The following PACRG variants were observed in gnomAD, a reference collection of about 807,000 sequenced individuals.
PACRG encodes the protein parkin coregulated gene protein.
In PACRG, 29 loss-of-function variants were observed where a neutral mutation model predicts 29.7. The ratio of observed to expected loss-of-function variants is 0.98; its 90% confidence interval spans 0.73 to 1.33. PACRG has a LOEUF of 1.33. Ranked by LOEUF, PACRG falls within the 40% of genes most tolerant of loss-of-function variation. The probability of loss-of-function intolerance (pLI) is 0.00; values close to 1 mark genes in which losing one functional copy is unlikely to be tolerated. For synonymous variants in PACRG, 116 were observed against 118.7 expected (o/e 0.98, Z 0.15); for missense variants, 279 against 316.2 (o/e 0.88, Z 0.89).
At chr6:163,148,592 G>A (rs186218442) in intron 4 of PACRG, among the ~76,000 whole-genome samples, 1 of 152,226 alleles carries the variant, frequency 6.6e-6, no homozygotes, top group African/African-American at 2.4e-5. Context: ...CTCAAGTAGT[G>A]GCATACCCAG....
intron 2 of PACRG, among the ~76,000 whole-genome samples, chr6:163,047,110 GT>G (rs1809479143): frequency 6.6e-6 from 1 of 152,174 alleles, no homozygotes; most frequent in African/African-American, 2.4e-5. Flanking sequence ...ATAGGGCCAT[GT>G]TTTACAATTA....
chr6:162,829,654 A>G (rs1788577034), intron 2 of PACRG, among the ~76,000 whole-genome samples: 1 of 152,156 alleles, frequency 6.6e-6, no homozygotes, highest in African/African-American at 2.4e-5. Flanking sequence ...CATATTACCT[A>G]GCAATGACAT....
chr6:162,819,358 A>G (rs200461146), intron 2 of PACRG, among the ~76,000 whole-genome samples: 1 of 152,306 alleles, frequency 6.6e-6, no homozygotes, highest in South Asian at 2.1e-4. Context: ...AAAATGACTT[A>G]TTAATCAGGT....
At position 162,854,778 on chromosome 6, in the gene PACRG, C is replaced by A. The variant is rs541302521; in HGVS notation, c.291+40497C>A. Among the ~76,000 whole-genome samples, 31 of 152,294 alleles carry A rather than the reference C, an allele frequency of 2.0e-4. 1 individual carries two copies. In the South Asian group the frequency reaches 5.2e-3, roughly 25 times the overall value. Reference sequence around the variant, plus strand: ...GAATTGTGTTTGATTCTGACTTCACCTAAATGAGCCTGATGACACGTGTGA... The same window carrying A: ...GAATTGTGTTTGATTCTGACTTCACATAAATGAGCCTGATGACACGTGTGA... On this transcript the variant is annotated intron_variant, in intron 2 of 4. Transcript: ENST00000366888.
intron 4 of PACRG, among the ~76,000 whole-genome samples, chr6:163,218,957 G>A (rs11961811): frequency 0.21 from 32,481 of 152,140 alleles, 3,532 homozygotes; most frequent in Middle Eastern, 0.29. Context: ...ATCCTCCAAC[G>A]CACAGGACAG....
At chr6:162,867,070 G>A (rs569859587) in intron 2 of PACRG, among the ~76,000 whole-genome samples, 5 of 152,202 alleles carry the variant, frequency 3.3e-5, no homozygotes, top group Non-Finnish European at 5.9e-5. Context: ...GGGAAAGACT[G>A]GGCAATAGGT....
intron 4 of PACRG, among the ~76,000 whole-genome samples, chr6:163,213,046 G>A (rs973323993): frequency 7.2e-5 from 11 of 152,166 alleles, no homozygotes; most frequent in Non-Finnish European, 1.6e-4. Context: ...CCAAAGTGCT[G>A]GGATTACAGG....
At chr6:162,867,744 C>T (rs1562679340) in intron 2 of PACRG, among the ~76,000 whole-genome samples, 1 of 152,150 alleles carries the variant, frequency 6.6e-6, no homozygotes, top group Non-Finnish European at 1.5e-5. Context: ...GGTGGCTACC[C>T]TCTAGGGTCC....
chr6:162,813,047 C>T (rs1358340920), intron 1 of PACRG, among the ~76,000 whole-genome samples: 2 of 151,988 alleles, frequency 1.3e-5, no homozygotes, highest in East Asian at 3.9e-4. Flanking sequence ...CACTTAATTT[C>T]AAATATAATC....
chr6:162,871,920 AAAAAACAAAAAC>A (rs1171763071), intron 2 of PACRG, among the ~76,000 whole-genome samples: 4 of 152,180 alleles, frequency 2.6e-5, no homozygotes, highest in Admixed American at 6.5e-5. Flanking sequence ...CCGTCTCAAA[AAAAAACAAAAAC>A]AAAAACAAAA....
intron 2 of PACRG, among the ~76,000 whole-genome samples, chr6:162,949,875 T>A (rs948672990): frequency 6.6e-6 from 1 of 152,174 alleles, no homozygotes; most frequent in Non-Finnish European, 1.5e-5. Context: ...ATTTTTAGCC[T>A]TTTAACAGAT....
At chr6:163,300,093 G>T (rs1478417317) in intron 4 of PACRG, among the ~76,000 whole-genome samples, 2 of 152,232 alleles carry the variant, frequency 1.3e-5, no homozygotes, top group African/African-American at 4.8e-5. Context: ...TAACACTGGG[G>T]TGAAGCCAGA....
At chr6:162,931,906 G>A (rs906710918) in intron 2 of PACRG, among the ~76,000 whole-genome samples, 2 of 151,906 alleles carry the variant, frequency 1.3e-5, no homozygotes, top group African/African-American at 4.8e-5. Context: ...TCACTTCTAG[G>A]CATTTATCCA....
intron 2 of PACRG, among the ~76,000 whole-genome samples, chr6:162,823,533 A>G (rs1021716833): frequency 1.4e-5 from 2 of 140,906 alleles, no homozygotes; most frequent in African/African-American, 5.4e-5. Context: ...TTTTTTTGAG[A>G]CAGAGTCTTG....
intron 4 of PACRG, among the ~76,000 whole-genome samples, chr6:163,222,549 C>T (rs1281935335): frequency 6.6e-6 from 1 of 152,208 alleles, no homozygotes; most frequent in Non-Finnish European, 1.5e-5. Context: ...CACTGTACTG[C>T]AGCCTGGGTG....
intron 1 of PACRG, among the ~76,000 whole-genome samples, chr6:162,802,488 T>G (rs1785957970): frequency 6.6e-6 from 1 of 152,200 alleles, no homozygotes; most frequent in Admixed American, 6.5e-5. Flanking sequence ...GTTCCATAAG[T>G]GGTTATATAA....
intron 2 of PACRG, among the ~76,000 whole-genome samples, chr6:162,887,500 G>T (rs957754274): frequency 2.6e-5 from 4 of 152,162 alleles, no homozygotes; most frequent in African/African-American, 9.7e-5. Flanking sequence ...GTATCGTATT[G>T]CATGTGATTT....
At chr6:163,259,865 G>A (rs528540982) in intron 4 of PACRG, among the ~76,000 whole-genome samples, 1 of 152,298 alleles carries the variant, frequency 6.6e-6, no homozygotes, top group African/African-American at 2.4e-5. Context: ...CACCCCCAGA[G>A]GCTGAGGGAT....
At chr6:163,297,883 T>C (rs1413361983) in intron 4 of PACRG, among the ~76,000 whole-genome samples, 1 of 152,112 alleles carries the variant, frequency 6.6e-6, no homozygotes, top group Non-Finnish European at 1.5e-5. Context: ...ACTGTAAATG[T>C]CCCTCCTTCT....
Sources: allele counts gnomAD v4.1 joint callset (sites outside exome capture counted in the v4.1 genomes callset), GRCh38; gene constraint gnomAD v4.1.1; transcripts MANE v1.5; gene names NCBI Gene and HGNC (gene_info 2026-07-23, HGNC 2026-07-21).